SLC25A26: variants seen among roughly 807,000 people sequenced by gnomAD.
SLC25A26 encodes solute carrier family 25 member 26.
SLC25A26 carries 36 observed loss-of-function variants against 37.8 expected under a neutral mutation model. That is an observed-to-expected ratio of 0.95 (90% CI 0.73 to 1.26). The LOEUF is 1.26. SLC25A26 is among the 50% of genes most tolerant of loss of function. The pLI, the probability that SLC25A26 is intolerant of heterozygous loss-of-function variation, is 0.00. For missense variants in SLC25A26, 390 were observed against 331.1 expected (o/e 1.18, Z -1.38); for synonymous variants, 129 against 122.5 (o/e 1.05, Z -0.35).
intron 5 of SLC25A26, among the ~76,000 whole-genome samples, chr3:66,344,928 C>A (rs115806593): frequency 6.6e-6 from 1 of 152,200 alleles, no homozygotes; most frequent in South Asian, 2.1e-4. Context: ...TTAGGCGTTA[C>A]ACAGCGTCTT....
At chr3:66,190,181 G>A (rs1272113871) in intron 1 of SLC25A26, among the ~76,000 whole-genome samples, 10 of 152,088 alleles carry the variant, frequency 6.6e-5, no homozygotes, top group Non-Finnish European at 1.2e-4. Context: ...CAAATATGGC[G>A]GCATAAACCT....
intron 3 of SLC25A26, among the ~76,000 whole-genome samples, chr3:66,253,690 T>C (rs144744496): frequency 2.0e-3 from 303 of 152,288 alleles, no homozygotes; most frequent in Admixed American, 4.0e-3. Flanking sequence ...TTCAGAATTA[T>C]AGATAATAAG....
intron 5 of SLC25A26, among the ~76,000 whole-genome samples, chr3:66,309,537 C>CG (rs554358208): frequency 1.9e-3 from 288 of 151,988 alleles, no homozygotes; most frequent in Middle Eastern, 6.9e-3. Context: ...TATTTCTTGT[C>CG]TTCTGCTAGC....
At chr3:66,374,613 G>C (rs1700537321) in intron 9 of SLC25A26, among the ~76,000 whole-genome samples, 1 of 152,250 alleles carries the variant, frequency 6.6e-6, no homozygotes, top group South Asian at 2.1e-4. Flanking sequence ...GGCCGGGCAT[G>C]GTGGCTCACA....
intron 5 of SLC25A26, among the ~76,000 whole-genome samples, chr3:66,332,383 CTTA>C (rs750644195): frequency 1.8e-4 from 27 of 152,166 alleles, no homozygotes; most frequent in Non-Finnish European, 3.1e-4. Context: ...TTCAAGTATT[CTTA>C]TTTAGAATTT....
chr3:66,329,938 T>G (rs2075931838), intron 5 of SLC25A26, among the ~76,000 whole-genome samples: 1 of 152,206 alleles, frequency 6.6e-6, no homozygotes. Flanking sequence ...TATAACTGCT[T>G]TAGCATGTTT....
intron 9 of SLC25A26, among the ~76,000 whole-genome samples, chr3:66,371,584 T>G (rs1392525258): frequency 6.6e-6 from 1 of 152,152 alleles, no homozygotes; most frequent in Non-Finnish European, 1.5e-5. Flanking sequence ...AAACAAGAAC[T>G]GGGGCAAAGC....
chr3:66,326,581 G>C (rs1384988155), intron 5 of SLC25A26, among the ~76,000 whole-genome samples: 1 of 152,224 alleles, frequency 6.6e-6, no homozygotes, highest in Admixed American at 6.5e-5. Context: ...TGCTCCACGG[G>C]AGAAGTCTCC....
chr3:66,286,267 CTAACTCTAAG>C (rs1411886550), intron 5 of SLC25A26, among the ~76,000 whole-genome samples: 1 of 152,046 alleles, frequency 6.6e-6, no homozygotes, highest in Non-Finnish European at 1.5e-5. Context: ...GGAACTCTGC[CTAACTCTAAG>C]TCATTAAGGT....
intron 5 of SLC25A26, among the ~76,000 whole-genome samples, chr3:66,306,879 G>C (rs2075240722): frequency 6.6e-6 from 1 of 152,154 alleles, no homozygotes; most frequent in South Asian, 2.1e-4. Flanking sequence ...GTGTGTATGT[G>C]CCACATTTTC....
rs536719264 is a variant in SLC25A26 at position 66,353,220 on chromosome 3, G to T, written c.498+6812G>T. 2.0e-5 allele frequency among the ~76,000 whole-genome samples: 3 copies of T among 152,214 alleles called. No homozygotes were observed. The South Asian group carries it at 6.2e-4, about 32-fold the overall frequency. ...AGCAGACAGGTGACTCAGGTTACCA[G>T]GTGATTTTTTAGTGATGATAACAAC... On this transcript the variant is annotated intron_variant, in intron 6 of 9. Transcript: ENST00000354883.
intron 3 of SLC25A26, among the ~76,000 whole-genome samples, chr3:66,259,224 T>C (rs900614786): frequency 6.6e-6 from 1 of 152,222 alleles, no homozygotes; most frequent in Admixed American, 6.5e-5. Flanking sequence ...GCTTGCTCTT[T>C]AGAAATTTAT....
chr3:66,238,267 C>G (rs1239849316), intron 2 of SLC25A26, among the ~76,000 whole-genome samples: 1 of 135,556 alleles, frequency 7.4e-6, no homozygotes, highest in Admixed American at 7.2e-5. Flanking sequence ...TTTGACTCCC[C>G]CAAAACTTAA....
intron 5 of SLC25A26, among the ~76,000 whole-genome samples, chr3:66,290,557 C>T (rs570579322): frequency 3.9e-5 from 6 of 152,244 alleles, no homozygotes; most frequent in Non-Finnish European, 8.8e-5. Context: ...GCCTTTTCTG[C>T]ATCATTTGAG....
intron 1 of SLC25A26, among the ~76,000 whole-genome samples, chr3:66,186,002 C>G (rs888913578): frequency 2.0e-5 from 3 of 152,010 alleles, no homozygotes; most frequent in Non-Finnish European, 4.4e-5. Context: ...GACCCTGACC[C>G]TCACCATGAC....
rs375088220 is a variant in SLC25A26 at position 66,234,651 on chromosome 3, T to G, written c.34-1893T>G. ...AGGTATTGGATTTATCATTAAAGTA[T>G]TTCATTTTTCAAGTTAACTCCTGGG... On this transcript the variant is annotated intron_variant, in intron 1 of 9. Coordinates refer to ENST00000354883, the MANE Select transcript of SLC25A26 (RefSeq NM_001379210.1). Among the ~76,000 whole-genome samples, 26 of 152,330 alleles carry G rather than the reference T, an allele frequency of 1.7e-4. 1 individual carries two copies. The East Asian group carries it at 4.6e-3, about 27-fold the overall frequency.
Position 66,298,813 on chromosome 3 carries a change from A to G in SLC25A26, c.453+35434A>G, listed in dbSNP as rs566421720. On this transcript the variant is annotated intron_variant, in intron 5 of 9. Coordinates refer to ENST00000354883, the MANE Select transcript of SLC25A26 (RefSeq NM_001379210.1). Reference sequence around the variant, plus strand: ...GAAAGCATTACAGGATGACGTTGCTATTTGGAGAATTGCTTTCATCTTTGA... The same window carrying G: ...GAAAGCATTACAGGATGACGTTGCTGTTTGGAGAATTGCTTTCATCTTTGA... Among the ~76,000 whole-genome samples, 5 of 152,350 alleles carry G rather than the reference A, an allele frequency of 3.3e-5. No individual in the cohort carries two copies. The South Asian group carries it at 8.3e-4, about 25-fold the overall frequency.
chr3:66,236,587 C>T lies in SLC25A26; in HGVS notation c.77C>T (p.Pro26Leu), dbSNP rs1206175852. 3.3e-6 allele frequency: 5 copies of T among 1,501,710 alleles called. No homozygotes were observed. Among genetic ancestry groups the T allele is most frequent in the Middle Eastern group, 1.7e-4 (1 of 5,850 alleles). The allele number at this position is 1,501,710 out of a possible 1,614,324, so 93.0% of individuals were successfully genotyped here. A position where few individuals can be genotyped will look rare whatever the true frequency, so the allele number is the denominator to read the frequency against. ...AGVSVDLILF[P>L]LDTIKTRLQS... ...GTTTCTGTTGACTTGATATTATTTC[C>T]TCTGGATACCATTAAAACCAGGCTG... is the stretch of plus-strand genomic sequence containing the variant. The change falls in exon 2 of 10, where the codon CCT becomes CTT. Residue 26 changes from proline (P) to leucine (L), a missense_variant. Transcript: ENST00000354883.
chr3:66,168,675 A>G (rs1432532828), intron 1 of SLC25A26, among the ~76,000 whole-genome samples: 1 of 152,234 alleles, frequency 6.6e-6, no homozygotes, highest in East Asian at 1.9e-4. Context: ...TTTAAGTAAA[A>G]GCAGGGACTG....
Sources: allele counts gnomAD v4.1 joint callset (sites outside exome capture counted in the v4.1 genomes callset), GRCh38; gene constraint gnomAD v4.1.1; transcripts MANE v1.5; gene names NCBI Gene and HGNC (gene_info 2026-07-23, HGNC 2026-07-21).